ZBTB8OS: variants seen among roughly 807,000 people sequenced by gnomAD.
ZBTB8OS encodes tRNA-splicing ligase-activating factor archease.
A neutral mutation model predicts 29.3 loss-of-function variants in ZBTB8OS; 16 were observed. The observed-to-expected ratio is 0.55, with a 90% CI of 0.37 to 0.83. The LOEUF is 0.83. ZBTB8OS is among the 40% of genes least tolerant of loss of function. ZBTB8OS has a pLI of 0.00. For synonymous variants in ZBTB8OS, 70 were observed against 64.6 expected, an observed-to-expected ratio of 1.08 and a Z score of -0.40; for missense variants, 160 against 196.9, an observed-to-expected ratio of 0.81 and a Z score of 1.12.
intron 1 of ZBTB8OS, among the ~76,000 whole-genome samples, chr1:32,649,355 A>G (rs1189175012): frequency 6.6e-6 from 1 of 152,096 alleles, no homozygotes. Flanking sequence ...CTAGAATACT[A>G]TGGTAAATAA....
At chr1:32,649,812 G>A (rs1241365628) in intron 1 of ZBTB8OS, among the ~76,000 whole-genome samples, 1 of 151,944 alleles carries the variant, frequency 6.6e-6, no homozygotes, top group African/African-American at 2.4e-5. Flanking sequence ...TTACAGACAT[G>A]CTCCACCACG....
At chr1:32,630,225 A>T (rs1645442169) in intron 5 of ZBTB8OS, among the ~76,000 whole-genome samples, 1 of 152,172 alleles carries the variant, frequency 6.6e-6, no homozygotes, top group South Asian at 2.1e-4. Flanking sequence ...TCTATAAAAA[A>T]TTAAAAATTA....
At position 32,621,966 on chromosome 1, in the gene ZBTB8OS, G is replaced by GAA. The variant is rs78907409; in HGVS notation, c.418-20_418-19dup. 6,531 of 914,190 alleles carry GAA rather than the reference G, an allele frequency of 7.1e-3. 1 individual carries two copies. The highest frequency in any genetic ancestry group is 0.016 in the South Asian group (843 of 52,398). The allele number at this position is 914,190 out of a possible 1,614,324, so 56.6% of individuals were successfully genotyped here. On this transcript the variant is annotated intron_variant, in intron 6 of 6. Coordinates refer to ENST00000468695, the MANE Select transcript of ZBTB8OS (RefSeq NM_178547.5). ...TCTGTTCCCTAAAGTTGGGGTTAGA[G>GAA]AAAAAAAAAAAAAAAAGGAAAATAG...
intron 1 of ZBTB8OS, among the ~76,000 whole-genome samples, chr1:32,649,645 CACACACACACACACACACACACAT>C (rs749003330): frequency 0.023 from 3,345 of 143,796 alleles, 126 homozygotes; most frequent in African/African-American, 0.085. Flanking sequence ...CACACACACA[CACACACACACACACACACACACAT>C]TTTTTTTTTT....
chr1:32,646,003 A>G (rs748760704), intron 1 of ZBTB8OS, among the ~76,000 whole-genome samples: 2 of 152,166 alleles, frequency 1.3e-5, no homozygotes, highest in African/African-American at 2.4e-5. Context: ...GCACTCTTCT[A>G]TAAGTACATC....
At chr1:32,628,873 T>C (rs1434967169) in intron 5 of ZBTB8OS, among the ~76,000 whole-genome samples, 2 of 150,892 alleles carry the variant, frequency 1.3e-5, no homozygotes, top group African/African-American at 2.4e-5. Flanking sequence ...GAGGCGGACA[T>C]TGCAGTGAAC....
intron 1 of ZBTB8OS, among the ~76,000 whole-genome samples, chr1:32,637,407 CA>C (rs35960336): frequency 0.17 from 24,479 of 143,480 alleles, 4,134 homozygotes; most frequent in African/African-American, 0.43. Context: ...ACTAATAATA[CA>C]AAAAAAAAAA....
chr1:32,638,382 G>A (rs553118301), intron 1 of ZBTB8OS, among the ~76,000 whole-genome samples: 134 of 151,128 alleles, frequency 8.9e-4, no homozygotes, highest in African/African-American at 3.0e-3. Context: ...TAGTAGAGAC[G>A]GGGTTTCACC....
intron 5 of ZBTB8OS, 45 bp from the exon 6 acceptor site, chr1:32,627,589 T>C: frequency 6.3e-7 from 1 of 1,582,624 alleles, no homozygotes; most frequent in African/African-American, 1.3e-5. Context: ...GTTCTCTCTT[T>C]ATATGTTTTA....
At chr1:32,639,952 G>A (rs1055772192) in intron 1 of ZBTB8OS, 1 of 152,074 alleles carries the variant, frequency 6.6e-6, no homozygotes, top group African/African-American at 2.4e-5. Context: ...TTGTGGCTAG[G>A]CTGGTCCAAG....
At chr1:32,624,369 C>A (rs563517583) in intron 6 of ZBTB8OS, among the ~76,000 whole-genome samples, 11 of 152,104 alleles carry the variant, frequency 7.2e-5, no homozygotes, top group Admixed American at 1.3e-4. Flanking sequence ...GCAGAGACTT[C>A]GCTTATCCTA....
chr1:32,622,196 T>C (rs1644804167), intron 6 of ZBTB8OS, among the ~76,000 whole-genome samples: 1 of 152,244 alleles, frequency 6.6e-6, no homozygotes, highest in Non-Finnish European at 1.5e-5. Flanking sequence ...CCTGGGTGTA[T>C]AGAAATTGTC....
chr1:32,644,932 G>A (rs944050219), intron 1 of ZBTB8OS, among the ~76,000 whole-genome samples: 5 of 152,156 alleles, frequency 3.3e-5, no homozygotes, highest in Non-Finnish European at 7.4e-5. Flanking sequence ...TGTAATCCCA[G>A]CACTTTGGGA....
intron 1 of ZBTB8OS, among the ~76,000 whole-genome samples, chr1:32,647,428 C>T (rs1646936764): frequency 8.7e-6 from 1 of 114,350 alleles, no homozygotes; most frequent in African/African-American, 3.3e-5. Context: ...CAAAGCGAGA[C>T]TCTGTCTCAA....
Position 32,621,854 on chromosome 1 carries a change from T to G in ZBTB8OS, c.*8A>C. 6.4e-7 allele frequency: 1 copy of G among 1,571,044 alleles called. No homozygotes were observed. Among genetic ancestry groups the G allele is most frequent in the Non-Finnish European group, 8.6e-7 (1 of 1,162,884 alleles). ...GTTCTTCGTAGGAGTCTTTTATTTT[T>G]TGGTGTCTTAAATGTCAATGATCAC... On this transcript the variant is annotated 3_prime_UTR_variant, in exon 7 of 7. Coordinates refer to ENST00000468695, the MANE Select transcript of ZBTB8OS (RefSeq NM_178547.5).
At chr1:32,635,783 G>A (rs1029360506) in intron 1 of ZBTB8OS, among the ~76,000 whole-genome samples, 5 of 151,992 alleles carry the variant, frequency 3.3e-5, no homozygotes, top group African/African-American at 1.2e-4. Flanking sequence ...ATTTCTGGTG[G>A]GCCCAACTAA....
At chr1:32,647,761 G>C (rs781304807) in intron 1 of ZBTB8OS, among the ~76,000 whole-genome samples, 126 of 152,144 alleles carry the variant, frequency 8.3e-4, no homozygotes, top group Admixed American at 2.6e-4. Context: ...CTAGTTACAA[G>C]AAAACAAGTT....
At position 32,621,918 on chromosome 1, in the gene ZBTB8OS, C is replaced by T. The variant is rs1467309650; in HGVS notation, c.448G>A (p.Ala150Thr). 6.3e-7 allele frequency: 1 copy of T among 1,585,658 alleles called. No homozygotes were observed. The highest frequency in any genetic ancestry group is 8.5e-7 in the Non-Finnish European group (1 of 1,174,264). Reference protein sequence around the residue: ...GTEVKAITYSAMQVYNEENPE... With the variant: ...GTEVKAITYSTMQVYNEENPE... ...TTCTCTTCATTATAGACCTGCATTG[C>T]TGAATATGTTATTGCTTTGACTTCT... Residue 150 changes from alanine (A) to threonine (T), a missense_variant, in exon 7 of 7, where the codon GCA (alanine) becomes ACA (threonine). Coordinates refer to ENST00000468695, the MANE Select transcript of ZBTB8OS (RefSeq NM_178547.5).
intron 1 of ZBTB8OS, among the ~76,000 whole-genome samples, chr1:32,643,956 AAG>A (rs1646636193): frequency 6.6e-6 from 1 of 152,032 alleles, no homozygotes; most frequent in South Asian, 2.1e-4. Flanking sequence ...GAGACAAATT[AAG>A]AGTCTTTTAT....
Sources: gnomAD v4.1 joint callset for allele counts (sites outside exome capture counted in the v4.1 genomes callset) on GRCh38, gnomAD v4.1.1 for gene constraint, MANE v1.5 for transcripts, NCBI Gene and HGNC (gene_info 2026-07-23, HGNC 2026-07-21) for gene names.